The following GBP2 variants were observed in gnomAD, a reference collection of about 807,000 sequenced individuals.
The protein encoded by GBP2 is guanylate-binding protein 2.
Under a neutral mutation model 60.8 loss-of-function variants are expected in GBP2, and 54 were observed. The observed-to-expected ratio is 0.89, with a 90% CI of 0.71 to 1.11. The LOEUF is 1.11. GBP2 is among the 50% of genes most tolerant of loss of function. The pLI, the probability that GBP2 is intolerant of heterozygous loss-of-function variation, is 0.00. For synonymous variants in GBP2, 243 were observed against 256.5 expected, an observed-to-expected ratio of 0.95 and a Z score of 0.50; for missense variants, 665 against 703.3, an observed-to-expected ratio of 0.95 and a Z score of 0.62.
Position 89,117,557 on chromosome 1 carries a change from C to T in GBP2, c.625+20G>A, listed in dbSNP as rs1681303024. 1 of 1,593,574 alleles carries T rather than the reference C, an allele frequency of 6.3e-7. No homozygotes were observed. Among genetic ancestry groups the T allele is most frequent in the South Asian group, 1.1e-5 (1 of 89,142 alleles). ...ATTTGCTCTCTATTTATTACCCAAC[C>T]AAGCATCAGACCCAGTAACCTTTTC... is the stretch of plus-strand genomic sequence containing the variant. On this transcript the variant is annotated intron_variant, in intron 5 of 10. Transcript: ENST00000370466.
intron 7 of GBP2, chr1:89,112,936 A>G: frequency 1.9e-6 from 1 of 522,592 alleles, no homozygotes; most frequent in Admixed American, 3.4e-5. Context: ...TTCTCAAAGC[A>G]CATACACTAT....
chr1:89,115,148 G>A (rs1681243567), intron 6 of GBP2, among the ~76,000 whole-genome samples: 1 of 152,072 alleles, frequency 6.6e-6, no homozygotes, highest in Non-Finnish European at 1.5e-5. Flanking sequence ...TCAAGCAATT[G>A]CTAAACTCGA....
At chr1:89,111,188 G>A (rs116998171) in intron 8 of GBP2, among the ~76,000 whole-genome samples, 1 of 152,244 alleles carries the variant, frequency 6.6e-6, no homozygotes, top group East Asian at 1.9e-4. Flanking sequence ...CAGACTCACA[G>A]CTATTATCAT....
At chr1:89,112,155 T>C (rs1000194640) in intron 8 of GBP2, among the ~76,000 whole-genome samples, 8 of 149,496 alleles carry the variant, frequency 5.4e-5, no homozygotes, top group African/African-American at 2.0e-4. Context: ...GAGCTTGAAC[T>C]TTTTTTTTTA....
In GBP2 at chr1:89,112,505, A is replaced by G. The variant is rs1409273716; in HGVS notation, c.1329T>C (p.Asn443=). 7 of 1,614,032 alleles carry G rather than the reference A, an allele frequency of 4.3e-6. No individual in the cohort carries two copies. In the Admixed American group the frequency reaches 1.2e-4, roughly 27 times the overall value. Residue 443 remains asparagine, a synonymous_variant, in exon 8 of 11, where the codon AAT becomes AAC. Coordinates refer to ENST00000370466, the MANE Select transcript of GBP2 (RefSeq NM_004120.5). ...LFTQKLQELK[N]KYYQVPRKGI... ...CCTTCCTTGGCACCTGGTAGTACTT[A>G]TTCTTCAGCTCCTGCAGCTTCTGAG...
chr1:89,109,897 G>C (rs1557437590), intron 9 of GBP2, 27 bp from the exon 10 acceptor site: 1 of 1,583,998 alleles, frequency 6.3e-7, no homozygotes, highest in South Asian at 1.1e-5. Context: ...AGCAGAAAAA[G>C]ATATGAATAT....
intron 10 of GBP2, among the ~76,000 whole-genome samples, chr1:89,108,902 T>TCTTTG (rs61210292): frequency 7.0e-6 from 1 of 142,482 alleles, no homozygotes; most frequent in Admixed American, 7.0e-5. Context: ...AATCTTTCTT[T>TCTTTG]TTTTTTTTTT....
intron 1 of GBP2, among the ~76,000 whole-genome samples, chr1:89,124,696 G>A (rs978421733): frequency 3.3e-5 from 5 of 152,200 alleles, no homozygotes; most frequent in Non-Finnish European, 7.3e-5. Flanking sequence ...AGCCCTTTGA[G>A]CTACCACAGG....
intron 6 of GBP2, among the ~76,000 whole-genome samples, chr1:89,115,697 C>T (rs1231953211): frequency 2.0e-5 from 3 of 152,216 alleles, no homozygotes; most frequent in Non-Finnish European, 2.9e-5. Flanking sequence ...CTCCTGTGCT[C>T]ATGCTGGGTC....
intron 6 of GBP2, 41 bp downstream of exon 6, chr1:89,116,951 G>C (rs762855111): frequency 6.2e-7 from 1 of 1,607,884 alleles, no homozygotes; most frequent in African/African-American, 1.3e-5. Context: ...TGGGCAGAAG[G>C]AGAAAGTCCA....
At position 89,121,948 on chromosome 1, in the gene GBP2, A is replaced by C. The variant is rs765375429; in HGVS notation, c.19T>G (p.Leu7Val). 1.2e-6 allele frequency: 2 copies of C among 1,613,170 alleles called. No homozygotes were observed. The highest frequency in any genetic ancestry group is 2.7e-5 in the African/African-American group (2 of 75,000). ...TCAATGAGGCTCATTGGGCCCGGCA[A>C]GTTGATCTCTGGAGCCATGTCCAGG... The part of the protein sequence containing the change: MAPEIN[L>V]PGPMSLIDNT... The change falls in exon 2 of 11, where the codon TTG (leucine) becomes GTG (valine). Residue 7 changes from leucine (L) to valine (V), a missense_variant. Coordinates refer to ENST00000370466, the MANE Select transcript of GBP2 (RefSeq NM_004120.5).
rs1373855931 is a variant in GBP2, at chr1:89,110,161, C to T, written c.1465+3G>A. On this transcript the variant is annotated splice_donor_region_variant and intron_variant, in intron 9 of 10. Transcript: ENST00000370466. ...CATGTAGAGTGTTTTCAGCTGTTCTCACCTTCAATCGCTTTTTCCTTTTCT... is the reference window on the plus strand; with the variant it reads ...CATGTAGAGTGTTTTCAGCTGTTCTTACCTTCAATCGCTTTTTCCTTTTCT... 6.2e-7 allele frequency: 1 copy of T among 1,607,118 alleles called. No individual in the cohort carries two copies. Among genetic ancestry groups the T allele is most frequent in the Non-Finnish European group, 8.5e-7 (1 of 1,174,498 alleles).
At chr1:89,108,853 G>T (rs1367018071) in intron 10 of GBP2, among the ~76,000 whole-genome samples, 2 of 151,580 alleles carry the variant, frequency 1.3e-5, no homozygotes, top group African/African-American at 4.9e-5. Context: ...GGCACCATGG[G>T]CACTTAACCA....
In GBP2 at chr1:89,121,137, T is replaced by TAAA; in HGVS notation, c.318+5_318+6insTTT. On this transcript the variant is annotated splice_donor_region_variant and intron_variant, in intron 3 of 10. Transcript: ENST00000370466. The stretch of plus-strand genomic sequence containing the variant: ...GTGAAATTTTTAAAATACTTATTTT[T>TAAA]TTTACCTTCTCTATATCTCCCAGGC... 2 of 1,609,572 alleles carry TAAA rather than the reference T, an allele frequency of 1.2e-6. No homozygotes were observed. The highest frequency in any genetic ancestry group is 1.7e-6 in the Non-Finnish European group (2 of 1,177,842).
In GBP2 at chr1:89,120,207, T is replaced by C; in HGVS notation, c.400A>G (p.Ile134Val). ...AGTTGGTCCATGGCCTGCTGGTTGA[T>C]GGTTCCCATGCTATTGTACACGAAG... ...STFVYNSMGT[I>V]NQQAMDQLHY... The change falls in exon 4 of 11, where the codon ATC becomes GTC. Residue 134 changes from isoleucine to valine, a missense_variant. Ile to Val is a conservative substitution (Grantham distance 29). Coordinates refer to ENST00000370466, the MANE Select transcript of GBP2 (RefSeq NM_004120.5). 6.2e-7 allele frequency: 1 copy of C among 1,614,046 alleles called. No homozygotes were observed. Among genetic ancestry groups the C allele is most frequent in the Non-Finnish European group, 8.5e-7 (1 of 1,179,902 alleles).
Position 89,110,274 on chromosome 1 carries a change from T to A in GBP2, c.1363-8A>T. The stretch of plus-strand genomic sequence containing the variant: ...TTTCAGCACCTCTTTGGCCTGGTTA[T>A]ACAGAGAAAGGTAGAATGAAGAAAG... On this transcript the variant is annotated splice_region_variant and splice_polypyrimidine_tract_variant and intron_variant, in intron 8 of 10. Transcript: ENST00000370466. 6.2e-7 allele frequency: 1 copy of A among 1,603,734 alleles called. No homozygotes were observed. The highest frequency in any genetic ancestry group is 8.5e-7 in the Non-Finnish European group (1 of 1,171,128).
Position 89,112,661 on chromosome 1 carries a change from A to C in GBP2, c.1173T>G (p.Asp391Glu), listed in dbSNP as rs914901197. ...KLGAQLEARR[D>E]DFCKQNSKAS... Reference sequence around the variant, plus strand: ...CTTTGGAATTCTGCTTACAAAAGTCATCTCGCCTTGCTTCCAACTGGGCCT... The same window carrying C: ...CTTTGGAATTCTGCTTACAAAAGTCCTCTCGCCTTGCTTCCAACTGGGCCT... The change falls in exon 8 of 11, where the codon GAT becomes GAG. Residue 391 changes from aspartate to glutamate, a missense_variant. Asp to Glu is a conservative substitution (Grantham distance 45, BLOSUM62 2). Coordinates refer to ENST00000370466, the MANE Select transcript of GBP2 (RefSeq NM_004120.5). 7 of 1,614,166 alleles carry C rather than the reference A, an allele frequency of 4.3e-6. No individual in the cohort carries two copies. The highest frequency in any genetic ancestry group is 5.9e-6 in the Non-Finnish European group (7 of 1,180,002).
At chr1:89,118,755 T>C (rs1255773945) in intron 4 of GBP2, 1 of 152,208 alleles carries the variant, frequency 6.6e-6, no homozygotes, top group African/African-American at 2.4e-5. Context: ...TGATGATTAA[T>C]AATTTCCAAA....
At chr1:89,119,469 G>A (rs1681352913) in intron 4 of GBP2, 3 of 152,194 alleles carry the variant, frequency 2.0e-5, no homozygotes, top group Non-Finnish European at 4.4e-5. Context: ...TAAGGGTGGA[G>A]AGTTCCAATA....
Sources: gnomAD v4.1 joint callset for allele counts (sites outside exome capture counted in the v4.1 genomes callset) on GRCh38, gnomAD v4.1.1 for gene constraint, MANE v1.5 for transcripts, NCBI Gene and HGNC (gene_info 2026-07-23, HGNC 2026-07-21) for gene names.